Variants in HMGXB3 observed in about 807,000 individuals in gnomAD.
HMGXB3 encodes HMG-box containing 3, also known as HMG domain-containing protein 3.
A neutral mutation model predicts 121.5 loss-of-function variants in HMGXB3; 45 were observed. The ratio of observed to expected loss-of-function variants is 0.37; its 90% CI spans 0.29 to 0.47. The LOEUF is 0.47. Among genes scored for constraint, HMGXB3 ranks in the 20% least tolerant of loss-of-function variants. The pLI, the probability that HMGXB3 is intolerant of heterozygous loss-of-function variation, is 0.99. For missense variants in HMGXB3, 1,376 were observed against 1,602.2 expected, an observed-to-expected ratio of 0.86 and a Z score of 2.41; for synonymous variants, 590 against 624.1, an observed-to-expected ratio of 0.95 and a Z score of 0.81.
intron 2 of HMGXB3, 78 bp from the exon 3 acceptor site, chr5:150,006,395 A>G: frequency 7.8e-7 from 1 of 1,279,654 alleles, no homozygotes; most frequent in Non-Finnish European, 1.1e-6. Flanking sequence ...GGGTCGAGGG[A>G]TGGGGAGTGG....
chr5:150,007,142 G>A (rs1367962035), intron 3 of HMGXB3, among the ~76,000 whole-genome samples: 3 of 152,206 alleles, frequency 2.0e-5, no homozygotes, highest in Admixed American at 2.0e-4. Context: ...CTGGTGGTTG[G>A]AAACTATGCT....
At chr5:150,024,118 C>T in intron 6 of HMGXB3, 144 bp from the exon 7 acceptor site, 1 of 705,382 alleles carries the variant, frequency 1.4e-6, no homozygotes, top group South Asian at 2.4e-5. Flanking sequence ...TAGTTTTACA[C>T]TTGAGATCTT....
chr5:150,052,412 T>C lies in HMGXB3; in HGVS notation c.*220T>C. ...AGGAGTGGTACCAGGAAACCTCTTC[T>C]GGCCCCGAGAGAGCACTTGGGGGAC... On this transcript the variant is annotated 3_prime_UTR_variant, in exon 20 of 20. Transcript: ENST00000502717. The C allele has an allele frequency of 1.8e-6, 1 of 553,534 alleles. No homozygotes were observed. Among genetic ancestry groups the C allele is most frequent in the Non-Finnish European group, 3.2e-6 (1 of 309,810 alleles). The allele number at this position is 553,534 out of a possible 1,614,324, so 34.3% of individuals were successfully genotyped here.
At chr5:150,043,185 A>G (rs1002157749) in intron 15 of HMGXB3, among the ~76,000 whole-genome samples, 4 of 152,242 alleles carry the variant, frequency 2.6e-5, no homozygotes, top group African/African-American at 7.2e-5. Flanking sequence ...TTCTACACCC[A>G]TATTTATGAT....
chr5:150,041,019 A>T (rs1561881951), intron 14 of HMGXB3, 140 bp downstream of exon 14: 2 of 826,770 alleles, frequency 2.4e-6, no homozygotes, highest in East Asian at 6.1e-5. Flanking sequence ...TTCCTAATAC[A>T]CTCTTCCTTT....
At chr5:150,005,540 G>C (rs1364687480) in intron 2 of HMGXB3, among the ~76,000 whole-genome samples, 5 of 150,224 alleles carry the variant, frequency 3.3e-5, no homozygotes, top group Non-Finnish European at 5.9e-5. Context: ...CGGAGGTTGC[G>C]GTGAGCCAAG....
Position 150,039,463 on chromosome 5 carries a change from T to C in HMGXB3, c.2414-1285T>C, listed in dbSNP as rs542754116. On this transcript the variant is annotated intron_variant, in intron 13 of 19. Transcript: ENST00000502717. The stretch of plus-strand genomic sequence containing the variant: ...TTAAGTTTGTCTGTTGACTTTGTTT[T>C]TGTAAATATTATAATTTTTTTAAGT... Among the ~76,000 whole-genome samples the C allele has an allele frequency of 5.3e-5, 8 of 152,290 alleles. No individual in the cohort carries two copies. In the East Asian group the frequency reaches 1.3e-3, roughly 26 times the overall value.
Position 150,048,671 on chromosome 5 carries a change from G to A in HMGXB3, c.3187G>A (p.Val1063Met), listed in dbSNP as rs554383511. The stretch of plus-strand genomic sequence containing the variant: ...CTTCACAGGTGGTAAAATCTACAAG[G>A]TGTGCCCCCATCAGGTAAGAAAATA... ...RHFTGGKIYK[V>M]CPHQVVCGSK... is the part of the protein sequence containing the mutation. Residue 1063 changes from valine to methionine, a missense_variant, in exon 18 of 20, where the codon GTG becomes ATG. This residue lies in a region of HMGXB3 where 1,116 missense variants were observed against 1,369.0 expected (regional missense o/e 0.82). Transcript: ENST00000502717. 3.4e-5 allele frequency: 53 copies of A among 1,549,214 alleles called. 1 individual carries two copies. In the East Asian group the frequency reaches 9.0e-4, roughly 26 times the overall value.
chr5:150,028,701 G>C (rs1414758827), intron 9 of HMGXB3, among the ~76,000 whole-genome samples: 1 of 150,130 alleles, frequency 6.7e-6, no homozygotes, highest in Non-Finnish European at 1.5e-5. Context: ...TGAGTAGCTG[G>C]GTACACAGGC....
At position 150,051,721 on chromosome 5, in the gene HMGXB3, C is replaced by A. The variant is rs960890718; in HGVS notation, c.3412-4C>A. The A allele has an allele frequency of 1.3e-6, 2 of 1,513,982 alleles. No individual in the cohort carries two copies. Among genetic ancestry groups the A allele is most frequent in the African/African-American group, 2.7e-5 (2 of 72,790 alleles). The allele number at this position is 1,513,982 out of a possible 1,614,324, so 93.8% of individuals were successfully genotyped here. ...ATCAAAATGCATTCTCATTTCTCTT[C>A]TAGAGTGTGTCCTGCCCAGAGCTCT... On this transcript the variant is annotated splice_polypyrimidine_tract_variant and splice_region_variant and intron_variant, in intron 19 of 19. Coordinates refer to ENST00000502717, the MANE Select transcript of HMGXB3 (RefSeq NM_014983.3).
At chr5:150,018,539 T>C (rs1237959721) in intron 5 of HMGXB3, 27 bp from the exon 6 acceptor site, 1 of 1,507,978 alleles carries the variant, frequency 6.6e-7, no homozygotes, top group Non-Finnish European at 8.9e-7. Flanking sequence ...GTTGTTCTAT[T>C]GATTCTGATG....
intron 7 of HMGXB3, among the ~76,000 whole-genome samples, chr5:150,025,943 G>T (rs1756219944): frequency 6.6e-6 from 1 of 151,524 alleles, no homozygotes; most frequent in African/African-American, 2.4e-5. Context: ...CCATTCTCCT[G>T]CCTCAGCCTC....
chr5:150,024,290 TG>T lies in HMGXB3; in HGVS notation c.1072del (p.Ala358LeufsTer11). 1 of 1,538,722 alleles carries T rather than the reference TG, an allele frequency of 6.5e-7. No homozygotes were observed. Among genetic ancestry groups the T allele is most frequent in the Non-Finnish European group, 8.8e-7 (1 of 1,142,830 alleles). On this transcript the variant is annotated frameshift_variant, in exon 7 of 20. Coordinates refer to ENST00000502717, the MANE Select transcript of HMGXB3 (RefSeq NM_014983.3). LOFTEE classifies it high-confidence loss of function. Reference sequence around the variant, plus strand: ...AAGCCAGCCAAAGTAAAAGTGGAATTGGCTTCTGGCGTCTCTTCCAAAGGCT... The same window carrying T: ...AAGCCAGCCAAAGTAAAAGTGGAATTGCTTCTGGCGTCTCTTCCAAAGGCT... ...KEKPAKVKVE[L>X]ASGVSSKGSV...
In HMGXB3 at chr5:150,022,068, T is replaced by G. The variant is rs553568064; in HGVS notation, c.1042-2194T>G. Reference sequence around the variant, plus strand: ...TCAAAGAGCAAAACATTATATTTTTTTGTGTGTGATTATTTTATTTTTATT... The same window carrying G: ...TCAAAGAGCAAAACATTATATTTTTGTGTGTGTGATTATTTTATTTTTATT... On this transcript the variant is annotated intron_variant, in intron 6 of 19. Transcript: ENST00000502717. 163 of 272,278 alleles carry G rather than the reference T, an allele frequency of 6.0e-4. 1 individual carries two copies. The highest frequency in any genetic ancestry group is 1.9e-3 in the South Asian group (48 of 25,554). 16.9% of individuals were successfully genotyped at this position (272,278 alleles called of 1,614,324 possible). A position where few individuals can be genotyped will look rare whatever the true frequency, so the allele number is the denominator to read the frequency against.
chr5:150,010,512 G>A lies in HMGXB3; in HGVS notation c.714G>A (p.Glu238=). The change falls in exon 4 of 20, where the codon GAG becomes GAA. Residue 238 remains glutamate (E), a synonymous_variant. Transcript: ENST00000502717. ...ACCAGACAAGCCTGGTAATTGAAGA[G>A]ACCTTGGTGAATGGCTCACCAGACC... is the stretch of plus-strand genomic sequence containing the variant. ...QPYQTSLVIE[E]TLVNGSPDLP... 6.4e-7 allele frequency: 1 copy of A among 1,551,676 alleles called. No individual in the cohort carries two copies. The highest frequency in any genetic ancestry group is 8.7e-7 in the Non-Finnish European group (1 of 1,147,010).
chr5:150,003,369 G>T (rs912826864), intron 1 of HMGXB3, among the ~76,000 whole-genome samples: 2 of 151,974 alleles, frequency 1.3e-5, no homozygotes, highest in African/African-American at 4.8e-5. Context: ...TTGGATTTTT[G>T]AGTTAAAAAT....
At position 150,026,701 on chromosome 5, in the gene HMGXB3, T is replaced by C. The variant is rs1341548331; in HGVS notation, c.1461-5T>C. On this transcript the variant is annotated splice_polypyrimidine_tract_variant and splice_region_variant and intron_variant, in intron 7 of 19. Transcript: ENST00000502717. The stretch of plus-strand genomic sequence containing the variant: ...TTTCCAGATTTCTCTTCTTATTCTT[T>C]TCAGAGCTGACCTGCTTACCCCTGG... The C allele has an allele frequency of 1.3e-6, 2 of 1,548,324 alleles. No individual in the cohort carries two copies. Among genetic ancestry groups the C allele is most frequent in the Non-Finnish European group, 1.7e-6 (2 of 1,146,010 alleles).
chr5:150,051,307 C>T (rs555583876), intron 19 of HMGXB3, among the ~76,000 whole-genome samples: 23 of 152,296 alleles, frequency 1.5e-4, no homozygotes, highest in African/African-American at 5.5e-4. Context: ...GTTGAGTGCC[C>T]CAGCCAGGAT....
intron 19 of HMGXB3, among the ~76,000 whole-genome samples, chr5:150,050,687 C>T (rs578073362): frequency 6.6e-5 from 10 of 152,314 alleles, no homozygotes; most frequent in Admixed American, 6.5e-4. Flanking sequence ...GGCCATTTTG[C>T]CCAGGCCGTT....
Sources: allele counts gnomAD v4.1 joint callset (sites outside exome capture counted in the v4.1 genomes callset), GRCh38; gene constraint gnomAD v4.1.1; regional missense constraint gnomAD v4.1.1; transcripts MANE v1.5; gene names NCBI Gene and HGNC (gene_info 2026-07-23, HGNC 2026-07-21).